Variants in GABRA3 observed in about 807,000 individuals in gnomAD.
GABRA3 encodes the protein gamma-aminobutyric acid type A receptor subunit alpha3, also known as gamma-aminobutyric acid receptor subunit alpha-3.
A neutral mutation model predicts 30.1 loss-of-function variants in GABRA3; 10 were observed. The observed-to-expected ratio is 0.33, with a 90% CI of 0.20 to 0.56. The LOEUF is 0.56. GABRA3 is among the 20% of genes least tolerant of loss of function. The pLI is 0.89. For synonymous variants in GABRA3, 151 were observed against 146.8 expected (o/e 1.03, Z -0.21); for missense variants, 233 against 392.0 (o/e 0.59, Z 3.42).
At chrX:152,203,805 C>T (rs1332019602) in intron 7 of GABRA3, among the ~76,000 whole-genome samples, 1 of 111,692 alleles carries the variant, frequency 9.0e-6, no homozygotes, top group Non-Finnish European at 1.9e-5. Context: ...TAAGGACTCT[C>T]ATGGTTACAT....
chrX:152,394,587 G>C (rs1397373392), intron 1 of GABRA3: 1 of 340,013 alleles, frequency 2.9e-6, no homozygotes, highest in Non-Finnish European at 6.0e-6. Flanking sequence ...GAAAGACATG[G>C]TGTAGAAATT....
chrX:152,224,649 C>T (rs762769648), intron 6 of GABRA3, 114 bp downstream of exon 6: 62 of 489,245 alleles, frequency 1.3e-4, no homozygotes, highest in African/African-American at 1.2e-3. Context: ...GATACCAGCC[C>T]GGATTAAAGG....
chrX:152,255,024 C>T (rs1938614423), intron 5 of GABRA3, among the ~76,000 whole-genome samples: 1 of 111,582 alleles, frequency 9.0e-6, no homozygotes, highest in Non-Finnish European at 1.9e-5. Flanking sequence ...AACTCTATGA[C>T]AGTAACAAGT....
chrX:152,240,728 G>A lies in GABRA3; in HGVS notation c.551+15050C>T, dbSNP rs1274162327. 5.1e-4 allele frequency among the ~76,000 whole-genome samples: 51 copies of A among 99,764 alleles called. 1 individual carries two copies. The highest frequency in any genetic ancestry group is 3.1e-4 in the Non-Finnish European group (16 of 51,182). The allele number at this position is 99,764 out of a possible 115,157, so 86.6% of individuals were successfully genotyped here. A position where few individuals can be genotyped will look rare whatever the true frequency, so the allele number is the denominator to read the frequency against. On this transcript the variant is annotated intron_variant, in intron 5 of 9. Transcript: ENST00000370314. Reference sequence around the variant, plus strand: ...CTTTTTTCTCTAAACTTCCCTTCTCGCTTCATTTCATTCATTTCATCTTCC... The same window carrying A: ...CTTTTTTCTCTAAACTTCCCTTCTCACTTCATTTCATTCATTTCATCTTCC...
chrX:152,449,870 C>T (rs900066193), intron 1 of GABRA3, among the ~76,000 whole-genome samples: 1 of 111,963 alleles, frequency 8.9e-6, no homozygotes, highest in East Asian at 2.8e-4. Flanking sequence ...TGTGAGTAAA[C>T]CAAAGATAAT....
chrX:152,357,072 T>C (rs1031301131), intron 2 of GABRA3, among the ~76,000 whole-genome samples: 2 of 112,140 alleles, frequency 1.8e-5, no homozygotes, highest in Non-Finnish European at 3.8e-5. Context: ...TGTGTCTTTA[T>C]GATAGAATGA....
chrX:152,251,296 A>G (rs569822828), intron 5 of GABRA3: 4 of 142,846 alleles, frequency 2.8e-5, no homozygotes, highest in South Asian at 1.5e-4. Context: ...CATTCATTCA[A>G]CTGTATTTCA....
Position 152,447,071 on chromosome X carries a change from T to C in GABRA3, c.-27+4075A>G, listed in dbSNP as rs143143086. 3.1e-3 allele frequency among the ~76,000 whole-genome samples: 346 copies of C among 111,235 alleles called. 3 individuals are homozygous for C. Among genetic ancestry groups the C allele is most frequent in the African/African-American group, 0.011 (328 of 30,642 alleles). ...CTTAAAGCCCTTTGCTTCTCTCTTA[T>C]GGGTGTAGATCTCATCTCCTAATAC... is the stretch of plus-strand genomic sequence containing the variant. On this transcript the variant is annotated intron_variant, in intron 1 of 9. Transcript: ENST00000370314.
chrX:152,385,808 T>C (rs1929287844), intron 1 of GABRA3, among the ~76,000 whole-genome samples: 1 of 111,671 alleles, frequency 9.0e-6, no homozygotes, highest in African/African-American at 3.3e-5. Flanking sequence ...GCTTTCTACA[T>C]ATGGCTAGCC....
intron 1 of GABRA3, among the ~76,000 whole-genome samples, chrX:152,365,491 A>G (rs1928632041): frequency 1.8e-5 from 2 of 111,571 alleles, no homozygotes; most frequent in South Asian, 3.7e-4. Flanking sequence ...CATGGGGTTA[A>G]GAAAGCAACC....
intron 3 of GABRA3, among the ~76,000 whole-genome samples, chrX:152,327,636 A>G (rs1359222278): frequency 8.9e-6 from 1 of 112,016 alleles, no homozygotes; most frequent in Non-Finnish European, 1.9e-5. Context: ...AGAAAGAAAG[A>G]TGTTCTTGGA....
chrX:152,387,244 A>G (rs1224766707), intron 1 of GABRA3, among the ~76,000 whole-genome samples: 1 of 110,040 alleles, frequency 9.1e-6, no homozygotes. Flanking sequence ...ACATGTGTAC[A>G]TGTGTAACTA....
chrX:152,204,861 C>A (rs1163161255), intron 7 of GABRA3, among the ~76,000 whole-genome samples: 1 of 111,808 alleles, frequency 8.9e-6, no homozygotes, highest in Non-Finnish European at 1.9e-5. Flanking sequence ...AGCAGAGCTA[C>A]ACTCCCTCTG....
intron 1 of GABRA3, among the ~76,000 whole-genome samples, chrX:152,391,804 T>G (rs1261290877): frequency 9.0e-6 from 1 of 111,589 alleles, no homozygotes; most frequent in African/African-American, 3.3e-5. Flanking sequence ...CCACCAGTAA[T>G]TTAGCATGTG....
chrX:152,430,734 C>T (rs931240495), intron 1 of GABRA3, among the ~76,000 whole-genome samples: 1 of 111,394 alleles, frequency 9.0e-6, no homozygotes, highest in Non-Finnish European at 1.9e-5. Context: ...AATCATAATA[C>T]GGGAAATGCA....
At chrX:152,443,445 C>T (rs1930985569) in intron 1 of GABRA3, among the ~76,000 whole-genome samples, 1 of 111,850 alleles carries the variant, frequency 8.9e-6, no homozygotes, top group Non-Finnish European at 1.9e-5. Context: ...TTAGTATCTT[C>T]AGGCCCAGTA....
At chrX:152,319,356 C>T (rs1470297452) in intron 3 of GABRA3, among the ~76,000 whole-genome samples, 3 of 111,900 alleles carry the variant, frequency 2.7e-5, no homozygotes, top group Non-Finnish European at 5.6e-5. Context: ...ACCAAAACAG[C>T]ATGGTACTGG....
At chrX:152,274,594 T>C (rs545089338) in intron 4 of GABRA3, among the ~76,000 whole-genome samples, 2 of 111,308 alleles carry the variant, frequency 1.8e-5, no homozygotes, top group African/African-American at 6.5e-5. Flanking sequence ...TATTTGAAAA[T>C]CTTTAGAAGT....
chrX:152,252,127 TATG>T (rs1938565729), intron 5 of GABRA3, among the ~76,000 whole-genome samples: 1 of 111,184 alleles, frequency 9.0e-6, no homozygotes, highest in Admixed American at 9.6e-5. Flanking sequence ...TGAATGTAGC[TATG>T]ATACCTCCCT....
Sources: gnomAD v4.1 joint callset for allele counts (sites outside exome capture counted in the v4.1 genomes callset) on GRCh38, gnomAD v4.1.1 for gene constraint, MANE v1.5 for transcripts, NCBI Gene and HGNC (gene_info 2026-07-23, HGNC 2026-07-21) for gene names.